Variants in ERAP1 observed in about 807,000 individuals in gnomAD.
ERAP1 encodes the protein endoplasmic reticulum aminopeptidase 1.
In ERAP1, 86 loss-of-function variants were observed where a neutral mutation model predicts 103.7. That is an observed-to-expected ratio of 0.83 (90% CI 0.70 to 0.99). The LOEUF (loss-of-function observed/expected upper bound fraction) is 0.99, where lower values mean the gene tolerates loss of function less well. Among genes scored for constraint, ERAP1 ranks in the 50% least tolerant of loss-of-function variants. The pLI is 0.00. For missense variants in ERAP1, 1,009 were observed against 1,128.4 expected, an observed-to-expected ratio of 0.89 and a Z score of 1.52; for synonymous variants, 398 against 402.4, an observed-to-expected ratio of 0.99 and a Z score of 0.13.
the ERAP1 span, among the ~76,000 whole-genome samples, chr5:96,882,894 C>T: frequency 0.07 from 10,623 of 152,176 alleles, 481 homozygotes; most frequent in East Asian, 0.14. Context: ...TATTCTATTC[C>T]CCCCTCCTTT....
At chr5:96,804,328 A>T in intron 1 of ERAP1, 1 of 321,110 alleles carries the variant, frequency 3.1e-6, no homozygotes, top group South Asian at 2.7e-5. Context: ...AACCAGGCTC[A>T]TGAAAGAAGC....
chr5:96,923,181 T>G, the ERAP1 span, among the ~76,000 whole-genome samples: 1 of 152,142 alleles, frequency 6.6e-6, no homozygotes, highest in Non-Finnish European at 1.5e-5. Context: ...GGTCTCACTA[T>G]GTTTTCCACA....
At chr5:96,800,737 T>G in intron 3 of ERAP1, 125 bp downstream of exon 3, 1 of 1,016,264 alleles carries the variant, frequency 9.8e-7, no homozygotes, top group Non-Finnish European at 1.5e-6. Context: ...AAATGAAAAG[T>G]TAGTAACGAT....
chr5:96,790,069 G>GT (rs1203390209), intron 10 of ERAP1, among the ~76,000 whole-genome samples: 1 of 152,196 alleles, frequency 6.6e-6, no homozygotes, highest in Non-Finnish European at 1.5e-5. Flanking sequence ...AGAGAAATTA[G>GT]TATCAGTGAG....
the ERAP1 span, among the ~76,000 whole-genome samples, chr5:96,824,596 C>T: frequency 1.3e-5 from 2 of 152,192 alleles, no homozygotes; most frequent in Non-Finnish European, 2.9e-5. Flanking sequence ...CAGTTTTCTG[C>T]CTCACACATG....
the ERAP1 span, chr5:96,910,367 A>T: frequency 6.6e-6 from 1 of 151,644 alleles, no homozygotes; most frequent in African/African-American, 2.4e-5. Flanking sequence ...TCCTTTCTTG[A>T]ATTCTTCTTT....
At chr5:96,807,188 A>C (rs1412941775) in intron 1 of ERAP1, among the ~76,000 whole-genome samples, 1 of 152,196 alleles carries the variant, frequency 6.6e-6, no homozygotes, top group Non-Finnish European at 1.5e-5. Flanking sequence ...GGAAACTTTT[A>C]ATTTGCGTCA....
In ERAP1 at chr5:96,801,000, C is replaced by A; in HGVS notation, c.525G>T (p.Arg175Ser). 6.2e-7 allele frequency: 1 copy of A among 1,613,792 alleles called. No individual in the cohort carries two copies. Among genetic ancestry groups the A allele is most frequent in the Non-Finnish European group, 8.5e-7 (1 of 1,179,980 alleles). ...GTTCAAATTGTGTTGATGCTAGTAT[C>A]CTAAAATTAAGGCAAGTGAAATAAA... ...STYRTKEGEL[R>S]ILASTQFEPT... The change falls in exon 3 of 19, where the codon AGG becomes AGT. Residue 175 changes from arginine to serine, a missense_variant and splice_region_variant. This residue lies in a region of ERAP1 where 392 missense variants were observed against 455.2 expected (regional missense o/e 0.86). Transcript: ENST00000443439.
At chr5:96,879,897 G>T in the ERAP1 span, 1 of 1,614,028 alleles carries the variant, frequency 6.2e-7, no homozygotes, top group Non-Finnish European at 8.5e-7. Flanking sequence ...AGGCTCCCCA[G>T]TGTGGTCATT....
the ERAP1 span, chr5:96,934,703 C>T: frequency 2.6e-5 from 4 of 152,384 alleles, no homozygotes; most frequent in East Asian, 1.9e-4. Flanking sequence ...CAAACAACAC[C>T]CTGGCCGTCC....
chr5:96,903,204 A>G, the ERAP1 span, among the ~76,000 whole-genome samples: 9 of 152,238 alleles, frequency 5.9e-5, no homozygotes, highest in Non-Finnish European at 1.2e-4. Context: ...TAATAAGACC[A>G]TCTTTCCAAA....
chr5:96,886,115 C>G, the ERAP1 span, among the ~76,000 whole-genome samples: 7 of 152,212 alleles, frequency 4.6e-5, 1 homozygote, highest in Admixed American at 3.9e-4. Context: ...CATGTGATCT[C>G]CAACAATTCT....
the ERAP1 span, among the ~76,000 whole-genome samples, chr5:96,849,200 G>C: frequency 6.6e-6 from 1 of 152,078 alleles, no homozygotes; most frequent in African/African-American, 2.4e-5. Context: ...TTTCCTCTAA[G>C]ATAAGGAACA....
At chr5:96,762,117 ATTT>A in exon 20 of ERAP1, 1 of 455,792 alleles carries the variant, frequency 2.2e-6, no homozygotes, top group Non-Finnish European at 3.9e-6. Context: ...AGAAGAAAGA[ATTT>A]AAATTTCTTT....
chr5:96,901,016 C>T, the ERAP1 span, among the ~76,000 whole-genome samples: 1 of 152,242 alleles, frequency 6.6e-6, no homozygotes, highest in East Asian at 1.9e-4. Context: ...GATCAGAAAC[C>T]CATACTAGCA....
the ERAP1 span, chr5:96,934,822 G>C: frequency 6.6e-6 from 1 of 152,464 alleles, no homozygotes; most frequent in Non-Finnish European, 1.5e-5. Flanking sequence ...GGCGCAGCCC[G>C]AGCCAAGTCA....
At chr5:96,895,208 T>C in the ERAP1 span, 5 of 1,245,878 alleles carry the variant, frequency 4.0e-6, no homozygotes, top group Non-Finnish European at 5.7e-6. Flanking sequence ...AATTTTTATT[T>C]GTTTAACTTC....
chr5:96,896,649 G>T, the ERAP1 span: 1 of 1,464,020 alleles, frequency 6.8e-7, no homozygotes, highest in Non-Finnish European at 9.1e-7. Context: ...CACATGTTCC[G>T]TAAAATTTAA....
intron 18 of ERAP1, among the ~76,000 whole-genome samples, chr5:96,777,409 C>G (rs1774492720): frequency 6.6e-6 from 1 of 152,074 alleles, no homozygotes; most frequent in South Asian, 2.1e-4. Flanking sequence ...ACAGCCAGTT[C>G]CTTAGAAATC....
Sources: gnomAD v4.1 joint callset for allele counts (sites outside exome capture counted in the v4.1 genomes callset) on GRCh38, gnomAD v4.1.1 for gene constraint, gnomAD v4.1.1 regional missense constraint, MANE v1.5 for transcripts, NCBI Gene and HGNC (gene_info 2026-07-23, HGNC 2026-07-21) for gene names.